The following NLGN1 variants were observed in gnomAD, a reference collection of about 807,000 sequenced individuals.
NLGN1 encodes neuroligin 1.
NLGN1 carries 12 observed loss-of-function variants against 65.5 expected under a neutral mutation model. The ratio of observed to expected loss-of-function variants is 0.18; its 90% confidence interval spans 0.12 to 0.30. NLGN1 has a LOEUF of 0.30. NLGN1 is among the 10% of genes least tolerant of loss of function. The pLI is 1.00. For missense variants in NLGN1, 750 were observed against 1,007.1 expected (o/e 0.74, Z 3.46); for synonymous variants, 350 against 359.5 (o/e 0.97, Z 0.30).
chr3:173,561,147 C>A (rs1742666308), intron 2 of NLGN1, among the ~76,000 whole-genome samples: 1 of 152,168 alleles, frequency 6.6e-6, no homozygotes, highest in Admixed American at 6.5e-5. Flanking sequence ...TGCAAAATGT[C>A]TATCATTACT....
intron 4 of NLGN1, among the ~76,000 whole-genome samples, chr3:174,153,773 G>A (rs1329506656): frequency 1.3e-5 from 2 of 151,940 alleles, no homozygotes; most frequent in Admixed American, 6.6e-5. Context: ...TGGGAGGAGC[G>A]CCTAAGCCCA....
At chr3:174,237,152 A>C (rs1441022356) in intron 4 of NLGN1, among the ~76,000 whole-genome samples, 5 of 151,972 alleles carry the variant, frequency 3.3e-5, no homozygotes, top group Non-Finnish European at 7.4e-5. Context: ...TTGCTTTTCT[A>C]ATTTAGTGTA....
chr3:173,569,261 A>T (rs1306420238), intron 2 of NLGN1, among the ~76,000 whole-genome samples: 1 of 152,070 alleles, frequency 6.6e-6, no homozygotes, highest in Admixed American at 6.5e-5. Context: ...GATACCTGGG[A>T]TTGTGAGCTT....
intron 4 of NLGN1, among the ~76,000 whole-genome samples, chr3:173,984,340 T>C (rs1192373034): frequency 2.0e-5 from 3 of 152,144 alleles, no homozygotes; most frequent in Non-Finnish European, 4.4e-5. Context: ...TATCTGCATA[T>C]CTAAAATAAG....
chr3:173,585,110 G>T (rs556458159), intron 2 of NLGN1: 2 of 152,348 alleles, frequency 1.3e-5, no homozygotes, highest in Non-Finnish European at 2.9e-5. Flanking sequence ...TGCGGACGCG[G>T]TGCCTGTGAA....
At chr3:173,753,637 C>T (rs1467070638) in intron 3 of NLGN1, among the ~76,000 whole-genome samples, 3 of 151,986 alleles carry the variant, frequency 2.0e-5, no homozygotes, top group Admixed American at 6.6e-5. Flanking sequence ...CTTCAATATC[C>T]AGAGTGATTA....
intron 4 of NLGN1, among the ~76,000 whole-genome samples, chr3:174,096,825 C>A (rs1182071983): frequency 6.6e-6 from 1 of 151,788 alleles, no homozygotes; most frequent in Admixed American, 6.6e-5. Context: ...TGTAATTGAA[C>A]GTGTAGAAAC....
intron 4 of NLGN1, among the ~76,000 whole-genome samples, chr3:174,248,585 C>A (rs928934907): frequency 2.0e-5 from 3 of 152,052 alleles, no homozygotes; most frequent in East Asian, 1.9e-4. Flanking sequence ...AACAGGGAAA[C>A]CCCATCTCTA....
intron 3 of NLGN1, among the ~76,000 whole-genome samples, chr3:173,677,975 A>G (rs1174807233): frequency 6.6e-6 from 1 of 152,106 alleles, no homozygotes; most frequent in African/African-American, 2.4e-5. Context: ...TCAGTTATCT[A>G]TAGTTTCTGG....
chr3:173,943,951 G>T (rs1246803742), intron 4 of NLGN1, among the ~76,000 whole-genome samples: 1 of 152,144 alleles, frequency 6.6e-6, no homozygotes, highest in Non-Finnish European at 1.5e-5. Context: ...AAATATGTTT[G>T]CTTATATTTT....
intron 1 of NLGN1, among the ~76,000 whole-genome samples, chr3:173,406,741 A>C (rs139316481): frequency 8.6e-5 from 13 of 151,948 alleles, no homozygotes; most frequent in Middle Eastern, 6.8e-3. Context: ...CACTGCTCTT[A>C]AGTGGTCAGA....
chr3:173,449,298 T>A lies in NLGN1; in HGVS notation c.-321+14220T>A, dbSNP rs1293124020. Among the ~76,000 whole-genome samples, 10 of 152,324 alleles carry A rather than the reference T, an allele frequency of 6.6e-5. No homozygotes were observed. In the East Asian group the frequency reaches 1.9e-3, roughly 29 times the overall value. The stretch of plus-strand genomic sequence containing the variant: ...CGTTGGTTTCAAAGAACATCTTTAT[T>A]TCTGCCTTCATTTCATTATGTACGC... On this transcript the variant is annotated intron_variant, in intron 2 of 6. Coordinates refer to ENST00000457714, the Ensembl canonical transcript of NLGN1.
At chr3:174,261,149 G>A (rs1165315878) in intron 4 of NLGN1, among the ~76,000 whole-genome samples, 1 of 150,110 alleles carries the variant, frequency 6.7e-6, no homozygotes, top group African/African-American at 2.5e-5. Context: ...TTTGGCTTAG[G>A]ATTGCCTTGG....
At chr3:173,941,225 C>T (rs1334691375) in intron 4 of NLGN1, among the ~76,000 whole-genome samples, 2 of 151,976 alleles carry the variant, frequency 1.3e-5, no homozygotes, top group Non-Finnish European at 2.9e-5. Context: ...CCTTCCAGAA[C>T]ACCACCTGAA....
intron 4 of NLGN1, among the ~76,000 whole-genome samples, chr3:173,870,227 T>A (rs1432871885): frequency 1.3e-5 from 2 of 152,222 alleles, no homozygotes; most frequent in African/African-American, 4.8e-5. Flanking sequence ...TTATATTGTT[T>A]AAAATCTCTG....
Position 174,201,342 on chromosome 3 carries a change from GGAAT to G in NLGN1, c.647-73969_647-73966del, listed in dbSNP as rs1172496520. On this transcript the variant is annotated intron_variant, in intron 4 of 6. Transcript: ENST00000457714. ...GGAGGCGGGAGGAGGGAAGGTGGGA[GGAAT>G]GAAGGAAGGAAGGAAGGAAGGAAGG... is the stretch of plus-strand genomic sequence containing the variant. Among the ~76,000 whole-genome samples, 71 of 26,820 alleles carry G rather than the reference GGAAT, an allele frequency of 2.6e-3. 1 individual carries two copies. Among genetic ancestry groups the G allele is most frequent in the Admixed American group, 0.017 (41 of 2,406 alleles). The allele number at this position is 26,820 out of a possible 152,430, so 17.6% of individuals were successfully genotyped here. A position where few individuals can be genotyped will look rare whatever the true frequency, so the allele number is the denominator to read the frequency against.
At chr3:173,757,823 T>A (rs1777367890) in intron 3 of NLGN1, among the ~76,000 whole-genome samples, 1 of 152,110 alleles carries the variant, frequency 6.6e-6, no homozygotes, top group African/African-American at 2.4e-5. Context: ...AATTACATAC[T>A]GAAGTTTATA....
chr3:174,198,844 C>CTTTTTT lies in NLGN1; in HGVS notation c.647-76454_647-76449dup, dbSNP rs56752477. On this transcript the variant is annotated intron_variant, in intron 4 of 6. Transcript: ENST00000457714. ...TTTGATCTGGCCTCATGACTAGATT[C>CTTTTTT]TTTTTTTTTTTTTTTTTTTTTTGAG... is the stretch of plus-strand genomic sequence containing the variant. 2.2e-3 allele frequency among the ~76,000 whole-genome samples: 223 copies of CTTTTTT among 99,876 alleles called. 6 individuals carry two copies. The highest frequency in any genetic ancestry group is 3.1e-3 in the Non-Finnish European group (166 of 53,326). The allele number at this position is 99,876 out of a possible 152,430, so 65.5% of individuals were successfully genotyped here.
chr3:173,551,335 A>G (rs1502476), intron 2 of NLGN1, among the ~76,000 whole-genome samples: 85,926 of 151,932 alleles, frequency 0.57, 24,265 homozygotes, highest in East Asian at 0.8. Flanking sequence ...CTACAGGCAG[A>G]AGCTAATATC....
Sources: gnomAD v4.1 joint callset for allele counts (sites outside exome capture counted in the v4.1 genomes callset) on GRCh38, gnomAD v4.1.1 for gene constraint, MANE v1.5 for transcripts, NCBI Gene and HGNC (gene_info 2026-07-23, HGNC 2026-07-21) for gene names.